Variants in SLX4IP observed in about 807,000 individuals in gnomAD.
SLX4IP encodes protein SLX4IP.
Under a neutral mutation model 32.9 loss-of-function variants are expected in SLX4IP, and 34 were observed. The ratio of observed to expected loss-of-function variants is 1.03; its 90% confidence interval spans 0.79 to 1.38. The LOEUF (loss-of-function observed/expected upper bound fraction) is 1.38, where lower values mean the gene tolerates loss of function less well. Among genes scored for constraint, SLX4IP ranks in the 40% most tolerant of loss-of-function variants. The pLI is 0.00. For missense variants in SLX4IP, 444 were observed against 479.0 expected (o/e 0.93, Z 0.68); for synonymous variants, 172 against 171.7 (o/e 1.00, Z -0.01).
intron 2 of SLX4IP, among the ~76,000 whole-genome samples, chr20:10,530,547 G>T (rs893734278): frequency 7.9e-5 from 12 of 152,148 alleles, no homozygotes; most frequent in Non-Finnish European, 1.8e-4. Context: ...GTGCTCACTT[G>T]GTGAGAAGCT....
chr20:10,548,021 G>A (rs6108623), intron 2 of SLX4IP, among the ~76,000 whole-genome samples: 4,339 of 152,206 alleles, frequency 0.029, 212 homozygotes, highest in African/African-American at 0.099. Flanking sequence ...CAAGTAAATG[G>A]TTGCAAACCA....
intron 6 of SLX4IP, among the ~76,000 whole-genome samples, chr20:10,618,945 G>T (rs1443393106): frequency 6.6e-6 from 1 of 151,588 alleles, no homozygotes; most frequent in Non-Finnish European, 1.5e-5. Flanking sequence ...GGGGTTGGGG[G>T]GGCGGGGGAG....
At chr20:10,615,947 T>G (rs1796631708) in intron 6 of SLX4IP, among the ~76,000 whole-genome samples, 2 of 152,106 alleles carry the variant, frequency 1.3e-5, no homozygotes, top group Non-Finnish European at 2.9e-5. Context: ...CCTAATTACA[T>G]CTTCAAGGCC....
chr20:10,527,937 T>C (rs191726484), intron 2 of SLX4IP, among the ~76,000 whole-genome samples: 17 of 152,274 alleles, frequency 1.1e-4, no homozygotes, highest in African/African-American at 3.8e-4. Context: ...GGACAGCTGG[T>C]GCCTCTGTAA....
intron 2 of SLX4IP, among the ~76,000 whole-genome samples, chr20:10,501,718 A>T (rs2065720547): frequency 6.7e-6 from 1 of 150,208 alleles, no homozygotes; most frequent in African/African-American, 2.4e-5. Context: ...ACTTACCCAG[A>T]CAAACAGACT....
chr20:10,518,466 T>G (rs1230983094), intron 2 of SLX4IP, among the ~76,000 whole-genome samples: 1 of 44,870 alleles, frequency 2.2e-5, no homozygotes, highest in South Asian at 1.4e-3. Flanking sequence ...TTCCTTCCTT[T>G]CCTTTCTTTT....
intron 4 of SLX4IP, among the ~76,000 whole-genome samples, chr20:10,570,821 G>T (rs971494603): frequency 1.3e-5 from 2 of 151,952 alleles, no homozygotes; most frequent in African/African-American, 4.8e-5. Context: ...GAGCCACCAC[G>T]CCCAGCCACA....
At position 10,553,158 on chromosome 20, in the gene SLX4IP, A is replaced by G. The variant is rs73896586; in HGVS notation, c.28-3073A>G. 7.8e-3 allele frequency among the ~76,000 whole-genome samples: 1,192 copies of G among 152,348 alleles called. 17 individuals are homozygous for G. The highest frequency in any genetic ancestry group is 0.027 in the African/African-American group (1,131 of 41,572). ...TATTATGAACGTGGGATTCATAATC[A>G]AAATATGAATAATATTAGCAGTATT... On this transcript the variant is annotated intron_variant, in intron 2 of 7. Coordinates refer to ENST00000334534, the MANE Select transcript of SLX4IP (RefSeq NM_001009608.3).
intron 2 of SLX4IP, among the ~76,000 whole-genome samples, chr20:10,525,300 T>C (rs2065932076): frequency 6.6e-6 from 1 of 152,186 alleles, no homozygotes; most frequent in Non-Finnish European, 1.5e-5. Flanking sequence ...ACACCTCTTT[T>C]TACCTGTTTA....
chr20:10,492,191 T>G (rs2065628936), intron 2 of SLX4IP, among the ~76,000 whole-genome samples: 1 of 152,176 alleles, frequency 6.6e-6, no homozygotes, highest in Non-Finnish European at 1.5e-5. Flanking sequence ...TTCTTGGGTG[T>G]GTGAATAGGG....
chr20:10,478,987 A>G (rs1339422025), intron 2 of SLX4IP, among the ~76,000 whole-genome samples: 1 of 152,258 alleles, frequency 6.6e-6, no homozygotes, highest in East Asian at 1.9e-4. Flanking sequence ...TTCAGGTAGA[A>G]GCAAGAGAAA....
At chr20:10,573,027 G>A (rs537637919) in intron 4 of SLX4IP, among the ~76,000 whole-genome samples, 54 of 152,262 alleles carry the variant, frequency 3.5e-4, no homozygotes, top group South Asian at 8.3e-4. Flanking sequence ...TCTGAGAAAT[G>A]TTCCTCAACT....
At chr20:10,554,270 A>T (rs1007878918) in intron 2 of SLX4IP, among the ~76,000 whole-genome samples, 1 of 152,216 alleles carries the variant, frequency 6.6e-6, no homozygotes, top group African/African-American at 2.4e-5. Flanking sequence ...AGATGAATAC[A>T]TGTTGAGTCT....
chr20:10,480,216 A>G (rs1358275850), intron 2 of SLX4IP, among the ~76,000 whole-genome samples: 2 of 151,906 alleles, frequency 1.3e-5, no homozygotes, highest in Admixed American at 6.6e-5. Context: ...AACACGGTGA[A>G]ATCCTGTCTC....
intron 3 of SLX4IP, among the ~76,000 whole-genome samples, chr20:10,559,348 G>C (rs534088628): frequency 6.6e-6 from 1 of 152,188 alleles, no homozygotes; most frequent in Admixed American, 6.5e-5. Flanking sequence ...AGGAGTACAA[G>C]TGTTTTTAAT....
At chr20:10,514,531 C>G (rs546764525) in intron 2 of SLX4IP, among the ~76,000 whole-genome samples, 1 of 152,168 alleles carries the variant, frequency 6.6e-6, no homozygotes, top group Non-Finnish European at 1.5e-5. Context: ...TCTTGTAGCA[C>G]GGAAGGATCA....
At chr20:10,589,761 GAAAT>G (rs1038504805) in intron 4 of SLX4IP, among the ~76,000 whole-genome samples, 19 of 151,960 alleles carry the variant, frequency 1.3e-4, no homozygotes, top group South Asian at 4.2e-4. Context: ...TTTGTAGAAA[GAAAT>G]AAGAGTATAT....
chr20:10,622,566 T>C, intron 7 of SLX4IP, 93 bp from the exon 8 acceptor site: 1 of 1,496,712 alleles, frequency 6.7e-7, no homozygotes. Context: ...GCCTGCCTCC[T>C]TTTTCAGGTG....
chr20:10,445,523 G>T (rs530882334), intron 1 of SLX4IP, among the ~76,000 whole-genome samples: 8 of 151,026 alleles, frequency 5.3e-5, no homozygotes, highest in Non-Finnish European at 8.9e-5. Flanking sequence ...CACCATGTTG[G>T]CCATGCTGGT....
Sources: allele counts gnomAD v4.1 joint callset (sites outside exome capture counted in the v4.1 genomes callset), GRCh38; gene constraint gnomAD v4.1.1; transcripts MANE v1.5; gene names NCBI Gene and HGNC (gene_info 2026-07-23, HGNC 2026-07-21).